PIK3C2G: variants seen among roughly 807,000 people sequenced by gnomAD.
The protein encoded by PIK3C2G is phosphatidylinositol-4-phosphate 3-kinase catalytic subunit type 2 gamma.
In PIK3C2G, 168 loss-of-function variants were observed where a neutral mutation model predicts 181.1. The observed-to-expected ratio is 0.93, with a 90% confidence interval of 0.82 to 1.05. PIK3C2G has a LOEUF of 1.05. PIK3C2G is among the 50% of genes least tolerant of loss of function. The pLI is 0.00. For synonymous variants in PIK3C2G, 573 were observed against 592.2 expected (o/e 0.97, Z 0.47); for missense variants, 1,869 against 1,732.8 (o/e 1.08, Z -1.40).
chr12:18,461,649 T>C (rs964986866), intron 18 of PIK3C2G, among the ~76,000 whole-genome samples: 3 of 152,184 alleles, frequency 2.0e-5, no homozygotes, highest in Non-Finnish European at 4.4e-5. Flanking sequence ...ATTGTTGAGA[T>C]AATTGAAATT....
intron 13 of PIK3C2G, among the ~76,000 whole-genome samples, chr12:18,380,581 CCT>C (rs1942772513): frequency 1.3e-5 from 2 of 152,182 alleles, no homozygotes; most frequent in South Asian, 4.1e-4. Context: ...ATACTGGACC[CCT>C]GATATTGTTA....
At chr12:18,650,560 T>A (rs992208067), downstream of PIK3C2G, among the ~76,000 whole-genome samples, 3 of 149,518 alleles carry the variant, frequency 2.0e-5, no homozygotes, top group African/African-American at 7.3e-5. Context: ...CACATGAAAG[T>A]CTATACATTT....
intron 25 of PIK3C2G, among the ~76,000 whole-genome samples, chr12:18,543,056 T>C (rs1051504215): frequency 2.0e-5 from 3 of 152,008 alleles, no homozygotes; most frequent in African/African-American, 7.2e-5. Flanking sequence ...GCATCTGTTA[T>C]TTTCTGACTT....
chr12:18,567,300 G>A (rs1047194929), intron 29 of PIK3C2G, among the ~76,000 whole-genome samples: 3 of 152,022 alleles, frequency 2.0e-5, no homozygotes, highest in African/African-American at 4.8e-5. Flanking sequence ...TCAGGAGGCT[G>A]AGGCAGAAGA....
the PIK3C2G span, chr12:18,713,134 G>A: frequency 6.8e-6 from 7 of 1,034,942 alleles, no homozygotes; most frequent in Non-Finnish European, 8.5e-6. Context: ...TTTGGGACAA[G>A]TTTTGAGTCT....
At chr12:18,496,572 GT>G (rs1280369225) in intron 21 of PIK3C2G, among the ~76,000 whole-genome samples, 2 of 151,832 alleles carry the variant, frequency 1.3e-5, no homozygotes, top group Non-Finnish European at 2.9e-5. Context: ...AGTAATTTGA[GT>G]TTTTTTTAAT....
intron 1 of PIK3C2G, among the ~76,000 whole-genome samples, chr12:18,271,215 C>T (rs763166435): frequency 2.0e-5 from 3 of 151,950 alleles, no homozygotes; most frequent in Non-Finnish European, 2.9e-5. Context: ...TCGCTACTGC[C>T]CCATGTCTCT....
At chr12:18,476,764 A>G (rs115990614) in intron 18 of PIK3C2G, among the ~76,000 whole-genome samples, 1,729 of 152,184 alleles carry the variant, frequency 0.011, 26 homozygotes, top group African/African-American at 0.039. Flanking sequence ...TCAGGTGAAG[A>G]AGCAGGTATT....
At chr12:18,469,388 G>A (rs1256201986) in intron 18 of PIK3C2G, among the ~76,000 whole-genome samples, 2 of 152,064 alleles carry the variant, frequency 1.3e-5, no homozygotes, top group East Asian at 3.9e-4. Flanking sequence ...CCTGCTGGGG[G>A]GAAAATGTTT....
the PIK3C2G span, chr12:18,684,373 C>A: frequency 8.3e-7 from 1 of 1,206,434 alleles, no homozygotes; most frequent in Non-Finnish European, 1.2e-6. Flanking sequence ...TCTTTTCAAC[C>A]CTTTAACAAT....
downstream of PIK3C2G, among the ~76,000 whole-genome samples, chr12:18,649,790 C>A (rs941379407): frequency 2.0e-5 from 3 of 152,240 alleles, no homozygotes; most frequent in African/African-American, 7.2e-5. Context: ...CTCTATCTTC[C>A]TGGATATATT....
At chr12:18,678,869 G>T in the PIK3C2G span, among the ~76,000 whole-genome samples, 4 of 151,992 alleles carry the variant, frequency 2.6e-5, no homozygotes, top group African/African-American at 9.7e-5. Context: ...GGACCAAAAA[G>T]CTTGAGTTAT....
chr12:18,706,638 C>T, the PIK3C2G span, among the ~76,000 whole-genome samples: 19 of 152,146 alleles, frequency 1.2e-4, no homozygotes, highest in Non-Finnish European at 2.5e-4. Context: ...ATCTTATTTA[C>T]AATTTTTTTC....
intron 18 of PIK3C2G, among the ~76,000 whole-genome samples, chr12:18,441,994 GT>G (rs1359745114): frequency 6.6e-6 from 1 of 151,980 alleles, no homozygotes; most frequent in Non-Finnish European, 1.5e-5. Context: ...AAAAATAAAA[GT>G]TTAATTCAGT....
chr12:18,468,748 A>C (rs897435385), intron 18 of PIK3C2G, among the ~76,000 whole-genome samples: 1 of 152,138 alleles, frequency 6.6e-6, no homozygotes, highest in Non-Finnish European at 1.5e-5. Context: ...TTGCTCAAGG[A>C]ATGAATTTCA....
intron 24 of PIK3C2G, among the ~76,000 whole-genome samples, chr12:18,508,873 A>G (rs1160436956): frequency 6.6e-6 from 1 of 152,122 alleles, no homozygotes; most frequent in African/African-American, 2.4e-5. Flanking sequence ...CCAAACAACA[A>G]TAACCCTAGG....
chr12:18,558,140 A>C (rs1462252500), intron 26 of PIK3C2G, among the ~76,000 whole-genome samples: 1 of 152,180 alleles, frequency 6.6e-6, no homozygotes, highest in Non-Finnish European at 1.5e-5. Flanking sequence ...ATAGTATAAT[A>C]CTGACACAGA....
intron 18 of PIK3C2G, among the ~76,000 whole-genome samples, chr12:18,429,599 C>G (rs1407358379): frequency 2.0e-5 from 3 of 152,214 alleles, no homozygotes; most frequent in Non-Finnish European, 2.9e-5. Flanking sequence ...TCCCTTCCCC[C>G]TCTTAGTCCA....
At chr12:18,531,368 T>A (rs74068067) in intron 24 of PIK3C2G, among the ~76,000 whole-genome samples, 1 of 152,168 alleles carries the variant, frequency 6.6e-6, no homozygotes, top group Non-Finnish European at 1.5e-5. Context: ...TACAAAGAGA[T>A]TCCATAAATC....
Sources: gnomAD v4.1 joint callset for allele counts (sites outside exome capture counted in the v4.1 genomes callset) on GRCh38, gnomAD v4.1.1 for gene constraint, MANE v1.5 for transcripts, NCBI Gene and HGNC (gene_info 2026-07-23, HGNC 2026-07-21) for gene names.